PRIM2: variants seen among roughly 807,000 people sequenced by gnomAD.
The protein encoded by PRIM2 is DNA primase subunit 2.
Under a neutral mutation model 67.3 loss-of-function variants are expected in PRIM2, and 39 were observed. That is an observed-to-expected ratio of 0.58 (90% CI 0.45 to 0.76). The LOEUF is 0.76. Ranked by LOEUF, PRIM2 falls within the 30% of genes least tolerant of loss-of-function variation. The pLI is 0.00. For synonymous variants in PRIM2, 143 were observed against 198.7 expected, an observed-to-expected ratio of 0.72 and a Z score of 2.36; for missense variants, 398 against 598.7, an observed-to-expected ratio of 0.66 and a Z score of 3.50.
chr6:57,640,850 A>G (rs1401206611), intron 13 of PRIM2, among the ~76,000 whole-genome samples: 32 of 152,276 alleles, frequency 2.1e-4, no homozygotes, highest in African/African-American at 7.0e-4. Flanking sequence ...GCTACCATTG[A>G]CTTTCTGCGC....
intron 7 of PRIM2, among the ~76,000 whole-genome samples, chr6:57,406,547 A>C (rs1394828134): frequency 6.6e-6 from 1 of 152,160 alleles, no homozygotes; most frequent in Non-Finnish European, 1.5e-5. Flanking sequence ...GTGGTGCAGA[A>C]AATGTTACCC....
rs535970594 is a variant in PRIM2 at position 57,400,595 on chromosome 6, G to A, written c.693+18427G>A. Among the ~76,000 whole-genome samples, 30 of 152,180 alleles carry A rather than the reference G, an allele frequency of 2.0e-4. 1 individual carries two copies. The South Asian group carries it at 4.2e-3, about 21-fold the overall frequency. ...TGTGTCTTGGGGATGATCTTCTTACGTAGAATCTTGCAAGAGTTCTCTGTA... is the reference window on the plus strand; with the variant it reads ...TGTGTCTTGGGGATGATCTTCTTACATAGAATCTTGCAAGAGTTCTCTGTA... On this transcript the variant is annotated intron_variant, in intron 7 of 13. Transcript: ENST00000615550.
At chr6:57,436,626 G>C (rs1257575220) in intron 7 of PRIM2, among the ~76,000 whole-genome samples, 3 of 152,178 alleles carry the variant, frequency 2.0e-5, no homozygotes, top group Non-Finnish European at 4.4e-5. Flanking sequence ...CTGGAATGTT[G>C]ATATGCGAAG....
chr6:57,450,108 ATTATC>A (rs1772493763), intron 7 of PRIM2, among the ~76,000 whole-genome samples: 1 of 152,220 alleles, frequency 6.6e-6, no homozygotes, highest in Admixed American at 6.5e-5. Context: ...TTGTTACTTT[ATTATC>A]TGTCATCCCA....
intron 7 of PRIM2, among the ~76,000 whole-genome samples, chr6:57,458,114 A>C (rs1562763991): frequency 6.6e-6 from 1 of 152,314 alleles, no homozygotes; most frequent in Admixed American, 6.5e-5. Context: ...ACTTATGTTG[A>C]AATAATAGAA....
chr6:57,555,419 A>G (rs1775493948), intron 10 of PRIM2, among the ~76,000 whole-genome samples: 1 of 152,206 alleles, frequency 6.6e-6, no homozygotes, highest in African/African-American at 2.4e-5. Flanking sequence ...ACCTGGGACT[A>G]TAGTTGTGCA....
intron 8 of PRIM2, among the ~76,000 whole-genome samples, chr6:57,527,570 T>A (rs1322135294): frequency 2.0e-5 from 3 of 152,222 alleles, no homozygotes; most frequent in Non-Finnish European, 2.9e-5. Context: ...TTTCTAATTA[T>A]TTCCCCACAC....
chr6:57,329,316 T>G (rs1767975462), intron 5 of PRIM2, among the ~76,000 whole-genome samples: 1 of 152,180 alleles, frequency 6.6e-6, no homozygotes, highest in African/African-American at 2.4e-5. Flanking sequence ...TTAATTTCTA[T>G]ACACGGTGTG....
chr6:57,441,738 A>T (rs1772208945), intron 7 of PRIM2, among the ~76,000 whole-genome samples: 1 of 152,218 alleles, frequency 6.6e-6, no homozygotes, highest in Non-Finnish European at 1.5e-5. Context: ...TTAATGCCCA[A>T]GTCAGCCATC....
the PRIM2 span, among the ~76,000 whole-genome samples, chr6:57,303,337 C>T: frequency 5.3e-5 from 8 of 151,842 alleles, no homozygotes; most frequent in Non-Finnish European, 1.2e-4. Flanking sequence ...TCATGTGAAT[C>T]ACTGTCATCA....
the PRIM2 span, among the ~76,000 whole-genome samples, chr6:57,233,971 A>G: frequency 6.6e-6 from 1 of 152,140 alleles, no homozygotes; most frequent in Non-Finnish European, 1.5e-5. Context: ...CCCTCTGTTA[A>G]CAATTTCTTA....
intron 7 of PRIM2, among the ~76,000 whole-genome samples, chr6:57,447,313 C>G (rs1772398898): frequency 1.3e-5 from 2 of 152,112 alleles, no homozygotes; most frequent in African/African-American, 4.8e-5. Context: ...CCCCATTGTT[C>G]TCAAGGAGAT....
At chr6:57,256,631 TAC>T in the PRIM2 span, among the ~76,000 whole-genome samples, 15,860 of 140,716 alleles carry the variant, frequency 0.11, 929 homozygotes, top group African/African-American at 0.18. Flanking sequence ...CTCTTTCTCT[TAC>T]ACACACACAC....
chr6:57,497,410 G>A (rs1181536236), intron 7 of PRIM2: 22 of 152,172 alleles, frequency 1.4e-4, no homozygotes, highest in African/African-American at 5.3e-4. Context: ...GCATCAGTAG[G>A]GTGCTTAGGT....
At chr6:57,291,226 A>C in the PRIM2 span, among the ~76,000 whole-genome samples, 9 of 152,336 alleles carry the variant, frequency 5.9e-5, no homozygotes, top group African/African-American at 2.2e-4. Context: ...AAACACCTCC[A>C]TGTAAATAAA....
chr6:57,445,949 G>A (rs1772350470), intron 7 of PRIM2, among the ~76,000 whole-genome samples: 1 of 152,216 alleles, frequency 6.6e-6, no homozygotes, highest in East Asian at 1.9e-4. Flanking sequence ...CCACAGTAAT[G>A]TATGTGTATG....
At chr6:57,233,018 T>C in the PRIM2 span, among the ~76,000 whole-genome samples, 1 of 152,218 alleles carries the variant, frequency 6.6e-6, no homozygotes. Context: ...CTAGCAAAGA[T>C]ATATTTTCTA....
intron 12 of PRIM2, among the ~76,000 whole-genome samples, chr6:57,606,816 A>G (rs1241383163): frequency 6.6e-6 from 1 of 152,214 alleles, no homozygotes; most frequent in Non-Finnish European, 1.5e-5. Flanking sequence ...ATGACAGCAT[A>G]TTTCATTTTG....
the PRIM2 span, among the ~76,000 whole-genome samples, chr6:57,224,676 C>T: frequency 6.6e-6 from 1 of 151,840 alleles, no homozygotes; most frequent in African/African-American, 2.4e-5. Flanking sequence ...TCAGGGAGTA[C>T]TTCTGGGATC....
Sources: gnomAD v4.1 joint callset for allele counts (sites outside exome capture counted in the v4.1 genomes callset) on GRCh38, gnomAD v4.1.1 for gene constraint, MANE v1.5 for transcripts, NCBI Gene and HGNC (gene_info 2026-07-23, HGNC 2026-07-21) for gene names.